The following RIMS1 variants were observed in gnomAD, a reference collection of about 807,000 sequenced individuals.
RIMS1 encodes the protein regulating synaptic membrane exocytosis protein 1.
Under a neutral mutation model 214.1 loss-of-function variants are expected in RIMS1, and 83 were observed. That is an observed-to-expected ratio of 0.39 (90% CI 0.32 to 0.47). The LOEUF (loss-of-function observed/expected upper bound fraction) is 0.47, where lower values mean the gene tolerates loss of function less well. Among genes scored for constraint, RIMS1 ranks in the 20% least tolerant of loss-of-function variants. RIMS1 has a pLI of 0.99. For synonymous variants in RIMS1, 793 were observed against 786.8 expected (o/e 1.01, Z -0.13); for missense variants, 2,050 against 2,161.8 (o/e 0.95, Z 1.03).
chr6:72,155,295 G>A (rs932065184), intron 4 of RIMS1, among the ~76,000 whole-genome samples: 6 of 139,794 alleles, frequency 4.3e-5, no homozygotes, highest in African/African-American at 9.9e-5. Flanking sequence ...AAAATCGAAC[G>A]TCTTTAACAG....
intron 6 of RIMS1, among the ~76,000 whole-genome samples, chr6:72,222,400 T>G (rs2154049881): frequency 6.6e-6 from 1 of 152,172 alleles, no homozygotes; most frequent in Non-Finnish European, 1.5e-5. Context: ...TTCCATTTTT[T>G]TGTACTGCAT....
At position 72,215,735 on chromosome 6, in the gene RIMS1, G is replaced by A. The variant is rs955382308; in HGVS notation, c.1679-18038G>A. ...AAGCATAGGCGGAAGTTTGGGAAAA[G>A]AAAAAAAAGCAAACAGATTCTGAGT... On this transcript the variant is annotated intron_variant, in intron 6 of 33. Transcript: ENST00000521978. Among the ~76,000 whole-genome samples the A allele has an allele frequency of 4.0e-5, 6 of 151,700 alleles. No homozygotes were observed. The East Asian group carries it at 1.2e-3, about 29-fold the overall frequency.
At chr6:72,286,007 G>C (rs2092181812) in intron 24 of RIMS1, among the ~76,000 whole-genome samples, 1 of 152,072 alleles carries the variant, frequency 6.6e-6, no homozygotes, top group Non-Finnish European at 1.5e-5. Context: ...AGACTAACCT[G>C]ACCAACATGG....
intron 2 of RIMS1, among the ~76,000 whole-genome samples, chr6:72,002,194 G>GA (rs1005961978): frequency 3.0e-4 from 46 of 151,436 alleles, no homozygotes; most frequent in Non-Finnish European, 8.8e-5. Context: ...GAACATAAAG[G>GA]AAAAAAATGT....
chr6:72,260,371 G>A (rs560860757), intron 18 of RIMS1, among the ~76,000 whole-genome samples: 1 of 151,766 alleles, frequency 6.6e-6, no homozygotes, highest in Non-Finnish European at 1.5e-5. Context: ...CAAATTTATA[G>A]TATTAAAAAA....
At chr6:72,104,322 T>C (rs757264094) in intron 4 of RIMS1, among the ~76,000 whole-genome samples, 3 of 152,158 alleles carry the variant, frequency 2.0e-5, no homozygotes, top group Non-Finnish European at 2.9e-5. Context: ...TCTTTCATGG[T>C]GCATAATATA....
rs190227558 is a variant in RIMS1, at chr6:72,229,142, C to T, written c.1679-4631C>T. On this transcript the variant is annotated intron_variant, in intron 6 of 33. Coordinates refer to ENST00000521978, the MANE Select transcript of RIMS1 (RefSeq NM_014989.7). ...CTGAAGCCCAGTGGTCTGAAGAGGC[C>T]TCTAGCCCTGCTTTGGGCCTTGAGC... is the stretch of plus-strand genomic sequence containing the variant. Among the ~76,000 whole-genome samples, 13 of 151,782 alleles carry T rather than the reference C, an allele frequency of 8.6e-5. No individual in the cohort carries two copies. The East Asian group carries it at 2.5e-3, about 29-fold the overall frequency.
intron 28 of RIMS1, among the ~76,000 whole-genome samples, chr6:72,326,761 G>T (rs934339629): frequency 1.5e-4 from 23 of 151,764 alleles, no homozygotes; most frequent in Non-Finnish European, 2.9e-4. Flanking sequence ...GGGAATTGGG[G>T]TGTCAGATGG....
intron 4 of RIMS1, among the ~76,000 whole-genome samples, chr6:72,166,715 T>TAAAAAA (rs35329248): frequency 6.7e-6 from 1 of 149,424 alleles, no homozygotes; most frequent in Non-Finnish European, 1.5e-5. Context: ...GTCTCTATTT[T>TAAAAAA]AAAAAAAAAA....
Position 72,139,312 on chromosome 6 carries a change from G to C in RIMS1, c.471+39326G>C, listed in dbSNP as rs572156149. On this transcript the variant is annotated intron_variant, in intron 4 of 33. Transcript: ENST00000521978. ...TGCTGTTCATGAGCACACCAAGTAA[G>C]GTCTTGACATTTTCAGTTTCCTATA... 2.6e-5 allele frequency among the ~76,000 whole-genome samples: 4 copies of C among 152,182 alleles called. No homozygotes were observed. The East Asian group carries it at 7.7e-4, about 29-fold the overall frequency.
At chr6:72,116,370 CA>C (rs1468592477) in intron 4 of RIMS1, among the ~76,000 whole-genome samples, 4 of 151,778 alleles carry the variant, frequency 2.6e-5, no homozygotes, top group African/African-American at 9.7e-5. Context: ...TCAAGGTGTA[CA>C]AAAACGAGAT....
At chr6:72,111,199 T>A (rs373622482) in intron 4 of RIMS1, among the ~76,000 whole-genome samples, 1 of 152,180 alleles carries the variant, frequency 6.6e-6, no homozygotes. Flanking sequence ...TCTTTCTTTA[T>A]CCTTGATCAT....
At chr6:72,026,589 T>C (rs1816597281) in intron 2 of RIMS1, among the ~76,000 whole-genome samples, 1 of 151,990 alleles carries the variant, frequency 6.6e-6, no homozygotes, top group Admixed American at 6.6e-5. Flanking sequence ...TAGGAATATG[T>C]CCTTTGTTTC....
At chr6:72,095,253 G>A (rs975817489) in intron 2 of RIMS1, among the ~76,000 whole-genome samples, 1 of 150,614 alleles carries the variant, frequency 6.6e-6, no homozygotes, top group Admixed American at 6.7e-5. Context: ...GTGAGCCACC[G>A]CGCCCAGCCC....
intron 5 of RIMS1, among the ~76,000 whole-genome samples, chr6:72,180,711 T>C (rs1306348571): frequency 2.0e-5 from 3 of 152,230 alleles, no homozygotes; most frequent in Non-Finnish European, 4.4e-5. Flanking sequence ...GCTCATGATT[T>C]TGGGGCCAGG....
chr6:72,307,373 A>G lies in RIMS1; in HGVS notation c.3963+3A>G. 6.4e-7 allele frequency: 1 copy of G among 1,558,782 alleles called. No individual in the cohort carries two copies. Among genetic ancestry groups the G allele is most frequent in the Non-Finnish European group, 8.8e-7 (1 of 1,139,922 alleles). ...TTGATCGCGAGCAATATTCCAAGGT[A>G]AAATTAGTAGTATCCAACAAATAGT... On this transcript the variant is annotated splice_donor_region_variant and intron_variant, in intron 27 of 33. Coordinates refer to ENST00000521978, the MANE Select transcript of RIMS1 (RefSeq NM_014989.7).
chr6:72,257,044 G>A (rs1013233242), intron 16 of RIMS1, among the ~76,000 whole-genome samples: 15 of 151,918 alleles, frequency 9.9e-5, no homozygotes, highest in African/African-American at 3.6e-4. Context: ...TAAACTGCTA[G>A]GGACTATTAG....
intron 2 of RIMS1, among the ~76,000 whole-genome samples, chr6:72,067,809 A>G (rs1829671493): frequency 6.6e-6 from 1 of 152,214 alleles, no homozygotes; most frequent in African/African-American, 2.4e-5. Context: ...TTTTCCAATG[A>G]TACACATTAG....
At chr6:72,125,535 G>A (rs113477202) in intron 4 of RIMS1, among the ~76,000 whole-genome samples, 8 of 152,212 alleles carry the variant, frequency 5.3e-5, no homozygotes, top group East Asian at 1.9e-4. Context: ...AGACAGGGAC[G>A]TTTAAGTCTG....
Sources: gnomAD v4.1 joint callset for allele counts (sites outside exome capture counted in the v4.1 genomes callset) on GRCh38, gnomAD v4.1.1 for gene constraint, MANE v1.5 for transcripts, NCBI Gene and HGNC (gene_info 2026-07-23, HGNC 2026-07-21) for gene names.